The following PIK3CB variants were observed in gnomAD, a reference collection of about 807,000 sequenced individuals.
The protein encoded by PIK3CB is phosphatidylinositol-4,5-bisphosphate 3-kinase catalytic subunit beta, also known as phosphatidylinositol 4,5-bisphosphate 3-kinase catalytic subunit beta isoform.
PIK3CB carries 39 observed loss-of-function variants against 136.8 expected under a neutral mutation model. The ratio of observed to expected loss-of-function variants is 0.29; its 90% confidence interval spans 0.22 to 0.37. PIK3CB has a LOEUF of 0.37. Ranked by LOEUF, PIK3CB falls within the 10% of genes least tolerant of loss-of-function variation. The pLI is 1.00. For missense variants in PIK3CB, 868 were observed against 1,275.4 expected, an observed-to-expected ratio of 0.68 and a Z score of 4.87; for synonymous variants, 428 against 436.6, an observed-to-expected ratio of 0.98 and a Z score of 0.25.
intron 2 of PIK3CB, among the ~76,000 whole-genome samples, chr3:138,760,878 G>A (rs2045654267): frequency 1.3e-5 from 2 of 152,178 alleles, no homozygotes. Flanking sequence ...CTGCACTCCA[G>A]CCTGGACAAC....
chr3:138,673,809 A>G (rs1488218034), intron 19 of PIK3CB, among the ~76,000 whole-genome samples: 2 of 152,182 alleles, frequency 1.3e-5, no homozygotes, highest in South Asian at 2.1e-4. Context: ...AATAGCCCAC[A>G]ATCATGGTGA....
intron 2 of PIK3CB, among the ~76,000 whole-genome samples, chr3:138,773,381 T>C (rs2045822769): frequency 6.6e-6 from 1 of 151,494 alleles, no homozygotes; most frequent in African/African-American, 2.4e-5. Flanking sequence ...ATAGAGTGAG[T>C]GAGATACTGT....
chr3:138,827,991 A>AC (rs919393080), intron 1 of PIK3CB, among the ~76,000 whole-genome samples: 9 of 151,856 alleles, frequency 5.9e-5, no homozygotes, highest in African/African-American at 2.2e-4. Context: ...CCGTCTCAAA[A>AC]AAAACAAAAC....
chr3:138,739,289 C>CA (rs751522751), intron 5 of PIK3CB, among the ~76,000 whole-genome samples: 6 of 151,260 alleles, frequency 4.0e-5, no homozygotes, highest in Non-Finnish European at 7.4e-5. Flanking sequence ...ACTAAAAATA[C>CA]AAAAATTAGC....
chr3:138,656,067 CT>C (rs2043186511), intron 23 of PIK3CB, 74 bp downstream of exon 23: 9 of 1,476,756 alleles, frequency 6.1e-6, no homozygotes, highest in Non-Finnish European at 6.6e-6. Context: ...CCTTCAGCCA[CT>C]TGAATAAAAC....
intron 8 of PIK3CB, among the ~76,000 whole-genome samples, chr3:138,714,921 C>T (rs781588096): frequency 2.0e-5 from 3 of 152,134 alleles, no homozygotes; most frequent in Non-Finnish European, 2.9e-5. Flanking sequence ...ACCAGTATAT[C>T]GTTCAGTAAA....
chr3:138,753,679 G>A (rs753853717), intron 4 of PIK3CB, among the ~76,000 whole-genome samples: 13 of 151,714 alleles, frequency 8.6e-5, no homozygotes, highest in Non-Finnish European at 1.6e-4. Flanking sequence ...GGTGGCATAT[G>A]CCTGTGGTCT....
chr3:138,801,195 G>C (rs1029241409), intron 1 of PIK3CB, among the ~76,000 whole-genome samples: 2 of 152,038 alleles, frequency 1.3e-5, no homozygotes, highest in Non-Finnish European at 2.9e-5. Context: ...AAAGCAAGTA[G>C]AACAGGTACC....
chr3:138,752,415 C>T (rs1225031534), intron 4 of PIK3CB, among the ~76,000 whole-genome samples: 1 of 152,162 alleles, frequency 6.6e-6, no homozygotes, highest in African/African-American at 2.4e-5. Context: ...TCATCACAGA[C>T]AAATCAGCAA....
intron 19 of PIK3CB, among the ~76,000 whole-genome samples, chr3:138,679,433 T>C (rs968222120): frequency 1.3e-5 from 2 of 152,096 alleles, no homozygotes; most frequent in African/African-American, 4.8e-5. Flanking sequence ...AATATTAGGA[T>C]TACAAGCAAG....
chr3:138,664,110 T>C, intron 20 of PIK3CB, 81 bp from the exon 21 acceptor site: 1 of 1,497,464 alleles, frequency 6.7e-7, no homozygotes, highest in African/African-American at 1.4e-5. Flanking sequence ...ATACCTCTGT[T>C]TCCTTTTTAA....
At chr3:138,762,028 C>T (rs2045669904) in intron 2 of PIK3CB, among the ~76,000 whole-genome samples, 1 of 151,662 alleles carries the variant, frequency 6.6e-6, no homozygotes. Context: ...GGGTGGATCA[C>T]CTGAGGTCAG....
At chr3:138,688,217 G>A (rs2043933070) in intron 16 of PIK3CB, among the ~76,000 whole-genome samples, 1 of 151,954 alleles carries the variant, frequency 6.6e-6, no homozygotes, top group Non-Finnish European at 1.5e-5. Context: ...AATAGGGTGG[G>A]GCAGCCAGGT....
At chr3:138,659,039 T>G (rs1466531050) in intron 21 of PIK3CB, among the ~76,000 whole-genome samples, 1 of 152,220 alleles carries the variant, frequency 6.6e-6, no homozygotes, top group Admixed American at 6.5e-5. Context: ...CTCTTTTGGT[T>G]GAGACCAGGG....
chr3:138,755,067 T>C (rs1353289244), intron 4 of PIK3CB, among the ~76,000 whole-genome samples: 1 of 152,224 alleles, frequency 6.6e-6, no homozygotes, highest in Non-Finnish European at 1.5e-5. Flanking sequence ...CAAGGAATAA[T>C]GTGGACATGA....
At chr3:138,713,310 G>C (rs1423925946) in intron 9 of PIK3CB, among the ~76,000 whole-genome samples, 2 of 151,488 alleles carry the variant, frequency 1.3e-5, no homozygotes, top group Non-Finnish European at 2.9e-5. Flanking sequence ...ACTGCGCCTA[G>C]CCTAAAAATT....
intron 19 of PIK3CB, among the ~76,000 whole-genome samples, chr3:138,678,049 G>T (rs2043686125): frequency 6.6e-6 from 1 of 152,120 alleles, no homozygotes; most frequent in Non-Finnish European, 1.5e-5. Context: ...GAGGTGGGAG[G>T]ATCGCTTGAG....
intron 2 of PIK3CB, among the ~76,000 whole-genome samples, chr3:138,791,268 G>C (rs967039177): frequency 6.6e-6 from 1 of 151,630 alleles, no homozygotes; most frequent in Admixed American, 6.6e-5. Context: ...TCAGTCTCTC[G>C]AGTAGCTGGG....
At chr3:138,762,109 C>T (rs536874104) in intron 2 of PIK3CB, among the ~76,000 whole-genome samples, 5 of 150,090 alleles carry the variant, frequency 3.3e-5, no homozygotes, top group Admixed American at 3.3e-4. Flanking sequence ...ATTAGCCAGG[C>T]ATGGTGGTTC....
Sources: allele counts gnomAD v4.1 joint callset (sites outside exome capture counted in the v4.1 genomes callset), GRCh38; gene constraint gnomAD v4.1.1; transcripts MANE v1.5; gene names NCBI Gene and HGNC (gene_info 2026-07-23, HGNC 2026-07-21).